The following KLHL2 variants were observed in gnomAD, a reference collection of about 807,000 sequenced individuals.
KLHL2 encodes the protein kelch like family member 2, also known as kelch-like protein 2.
A neutral mutation model predicts 75.8 loss-of-function variants in KLHL2; 15 were observed. The ratio of observed to expected loss-of-function variants is 0.20; its 90% confidence interval spans 0.13 to 0.30. The LOEUF is 0.30. KLHL2 is among the 10% of genes least tolerant of loss of function. The pLI is 1.00. For missense variants in KLHL2, 381 were observed against 741.0 expected, an observed-to-expected ratio of 0.51 and a Z score of 5.64; for synonymous variants, 214 against 251.9, an observed-to-expected ratio of 0.85 and a Z score of 1.42.
rs935368383 is a variant in KLHL2, at chr4:165,207,792, G to A, written c.-85G>A. ...CGGGGCGGATGGAACGCGGCTCGGC[G>A]GGCGGGCAGTGCCGGCGTCCGCGGC... On this transcript the variant is annotated 5_prime_UTR_variant, in exon 1 of 15. Coordinates refer to ENST00000226725, the MANE Select transcript of KLHL2 (RefSeq NM_007246.4). The surrounding 1 kb of genome is among the most constrained non-coding windows in gnomAD (Gnocchi z 4.2). The A allele has an allele frequency of 1.3e-5, 16 of 1,230,548 alleles. No homozygotes were observed. Among genetic ancestry groups the A allele is most frequent in the East Asian group, 1.1e-4 (3 of 26,570 alleles). The allele number at this position is 1,230,548 out of a possible 1,614,324, so 76.2% of individuals were successfully genotyped here.
At chr4:165,304,196 C>T (rs1007306340) in intron 8 of KLHL2, among the ~76,000 whole-genome samples, 2 of 152,080 alleles carry the variant, frequency 1.3e-5, no homozygotes, top group East Asian at 1.9e-4. Flanking sequence ...GAATAACAGG[C>T]CTGAAAAAAA....
chr4:165,282,573 A>G (rs1301908079), intron 5 of KLHL2, among the ~76,000 whole-genome samples: 1 of 152,138 alleles, frequency 6.6e-6, no homozygotes, highest in Non-Finnish European at 1.5e-5. Context: ...AGAGCCCTGA[A>G]TTTATAGTCA....
chr4:165,215,984 G>A (rs1560974381), intron 1 of KLHL2, among the ~76,000 whole-genome samples: 1 of 152,084 alleles, frequency 6.6e-6, no homozygotes, highest in Non-Finnish European at 1.5e-5. Flanking sequence ...AATTGCTTGG[G>A]TGATTCTGAT....
chr4:165,310,453 A>G, intron 9 of KLHL2, 100 bp from the exon 10 acceptor site: 1 of 958,754 alleles, frequency 1.0e-6, no homozygotes, highest in Non-Finnish European at 1.7e-6. Flanking sequence ...TAAGAGTAGC[A>G]TGTTCTGACA....
Position 165,297,675 on chromosome 4 carries a change from C to A in KLHL2, c.721C>A (p.Leu241Met). 1 of 1,613,898 alleles carries A rather than the reference C, an allele frequency of 6.2e-7. No individual in the cohort carries two copies. Among genetic ancestry groups the A allele is most frequent in the Non-Finnish European group, 8.5e-7 (1 of 1,179,818 alleles). ...KDVRQEFMAR[L>M]MEHVRLPLLP... ...TGTGAGGCAAGAGTTTATGGCCCGACTGATGGAACATGTACGGTTACCTTT... is the reference window on the plus strand; with the variant it reads ...TGTGAGGCAAGAGTTTATGGCCCGAATGATGGAACATGTACGGTTACCTTT... Residue 241 changes from leucine (L) to methionine (M), a missense_variant, in exon 7 of 15, where the codon CTG (leucine) becomes ATG (methionine). Leu to Met is a conservative substitution (Grantham distance 15, BLOSUM62 2). This residue lies in a region of KLHL2 where 111 missense variants were observed against 150.1 expected (regional missense o/e 0.74). Coordinates refer to ENST00000226725, the MANE Select transcript of KLHL2 (RefSeq NM_007246.4).
intron 5 of KLHL2, among the ~76,000 whole-genome samples, chr4:165,292,823 A>G (rs1389627517): frequency 1.3e-5 from 2 of 152,210 alleles, no homozygotes; most frequent in Non-Finnish European, 2.9e-5. Flanking sequence ...ATAAGGTGAA[A>G]TAAATATGGT....
At chr4:165,219,517 C>G (rs1303593084) in intron 1 of KLHL2, 1 of 200,860 alleles carries the variant, frequency 5.0e-6, no homozygotes, top group Non-Finnish European at 9.3e-6. Flanking sequence ...AAATTTAAAT[C>G]AGATTCTAAG....
rs71602584 is a variant in KLHL2, at chr4:165,303,495, C to CCCCCT, written c.922-2109_922-2108insTCCCC. On this transcript the variant is annotated intron_variant, in intron 8 of 14. Coordinates refer to ENST00000226725, the MANE Select transcript of KLHL2 (RefSeq NM_007246.4). ...CAATTCTGTAATTTTTACAACCTTGCCCCCCCCGCCGTTTTTGGGTGGTCA... is the reference window on the plus strand; with the variant it reads ...CAATTCTGTAATTTTTACAACCTTGCCCCCTCCCCCCCGCCGTTTTTGGGTGGTCA... 7.5e-4 allele frequency among the ~76,000 whole-genome samples: 58 copies of CCCCCT among 77,478 alleles called. 4 individuals carry two copies. The highest frequency in any genetic ancestry group is 4.3e-3 in the African/African-American group (57 of 13,332). 50.8% of individuals were successfully genotyped at this position (77,478 alleles called of 152,430 possible). A position where few individuals can be genotyped will look rare whatever the true frequency, so the allele number is the denominator to read the frequency against.
intron 5 of KLHL2, chr4:165,279,741 C>T (rs1352818406): frequency 8.7e-6 from 8 of 922,330 alleles, no homozygotes; most frequent in Non-Finnish European, 1.3e-5. Flanking sequence ...AGAGCGAGGC[C>T]GCGCGAGTCC....
intron 5 of KLHL2, among the ~76,000 whole-genome samples, chr4:165,266,849 C>G (rs1307698712): frequency 1.3e-5 from 2 of 152,016 alleles, no homozygotes; most frequent in Non-Finnish European, 2.9e-5. Context: ...TTTTCCAATT[C>G]TGTGAAGAAA....
chr4:165,221,930 T>C (rs1738028659), intron 2 of KLHL2, among the ~76,000 whole-genome samples: 4 of 152,188 alleles, frequency 2.6e-5, no homozygotes, highest in Admixed American at 2.6e-4. Context: ...GTAAGAAAAA[T>C]AGTCTGGTTG....
At chr4:165,260,873 T>A (rs1331751110) in intron 4 of KLHL2, among the ~76,000 whole-genome samples, 4 of 152,334 alleles carry the variant, frequency 2.6e-5, no homozygotes, top group African/African-American at 9.6e-5. Context: ...CATTTGTAAT[T>A]TTGAATTTGA....
At chr4:165,317,422 G>A (rs1746667043) in intron 13 of KLHL2, among the ~76,000 whole-genome samples, 4 of 151,664 alleles carry the variant, frequency 2.6e-5, no homozygotes, top group Admixed American at 2.6e-4. Context: ...GAGAGCAGTG[G>A]TGTGGTCTTG....
At chr4:165,208,509 G>A (rs1163157314) in intron 1 of KLHL2, 1 of 152,148 alleles carries the variant, frequency 6.6e-6, no homozygotes, top group Non-Finnish European at 1.5e-5. Flanking sequence ...CAAATTAGTA[G>A]CGTATCGACC....
At chr4:165,293,241 A>C in intron 5 of KLHL2, among the ~76,000 whole-genome samples, 1 of 152,258 alleles carries the variant, frequency 6.6e-6, no homozygotes, top group East Asian at 1.9e-4. Flanking sequence ...TGGATGGAGG[A>C]CGTATCGGAT....
At chr4:165,210,079 A>G (rs1312895961) in intron 1 of KLHL2, 13 of 1,551,390 alleles carry the variant, frequency 8.4e-6, no homozygotes, top group Non-Finnish European at 2.6e-6. Context: ...TCAGCTTTTC[A>G]TGAAGTTAGA....
chr4:165,302,449 A>T (rs1464089703), intron 8 of KLHL2, among the ~76,000 whole-genome samples: 1 of 152,222 alleles, frequency 6.6e-6, no homozygotes, highest in East Asian at 1.9e-4. Context: ...CAAGGTTTTG[A>T]TAATATTTTA....
At chr4:165,244,416 A>G (rs572110042) in intron 4 of KLHL2, among the ~76,000 whole-genome samples, 27 of 152,326 alleles carry the variant, frequency 1.8e-4, no homozygotes, top group Non-Finnish European at 3.7e-4. Context: ...GAGGGCATGG[A>G]GAGAATTGGT....
intron 5 of KLHL2, among the ~76,000 whole-genome samples, chr4:165,271,806 G>A (rs1742718843): frequency 6.6e-6 from 1 of 152,190 alleles, no homozygotes; most frequent in Non-Finnish European, 1.5e-5. Context: ...TCCTGTGGAA[G>A]CTTCTGTGTT....
Sources: gnomAD v4.1 joint callset for allele counts (sites outside exome capture counted in the v4.1 genomes callset) on GRCh38, gnomAD v4.1.1 for gene constraint, gnomAD v4.1.1 regional missense constraint, Gnocchi (gnomAD v3.1) non-coding constraint, MANE v1.5 for transcripts, NCBI Gene and HGNC (gene_info 2026-07-23, HGNC 2026-07-21) for gene names.